Variants in PALM2AKAP2 observed in about 807,000 individuals in gnomAD.
PALM2AKAP2 encodes PALM2-AKAP2 fusion protein.
PALM2AKAP2 carries 37 observed loss-of-function variants against 71.5 expected under a neutral mutation model. The ratio of observed to expected loss-of-function variants is 0.52; its 90% confidence interval spans 0.40 to 0.68. The LOEUF (loss-of-function observed/expected upper bound fraction) is 0.68, where lower values mean the gene tolerates loss of function less well. Among genes scored for constraint, PALM2AKAP2 ranks in the 30% least tolerant of loss-of-function variants. The pLI is 0.00. For synonymous variants in PALM2AKAP2, 468 were observed against 478.8 expected, an observed-to-expected ratio of 0.98 and a Z score of 0.29; for missense variants, 1,224 against 1,191.8, an observed-to-expected ratio of 1.03 and a Z score of -0.40.
chr9:110,008,080 G>T (rs79336786), intron 6 of PALM2AKAP2, among the ~76,000 whole-genome samples: 1 of 152,154 alleles, frequency 6.6e-6, no homozygotes, highest in African/African-American at 2.4e-5. Context: ...TACACAGAAA[G>T]GTGGTGGGAA....
At chr9:109,974,418 C>T (rs1349123078) in intron 6 of PALM2AKAP2, among the ~76,000 whole-genome samples, 2 of 151,980 alleles carry the variant, frequency 1.3e-5, no homozygotes, top group Non-Finnish European at 2.9e-5. Flanking sequence ...GGAGTGTTGC[C>T]TCTGCCTTAC....
rs117518758 is a variant in PALM2AKAP2, at chr9:109,643,914, C to A, written c.5+3048C>A. Among the ~76,000 whole-genome samples, 103 of 152,214 alleles carry A rather than the reference C, an allele frequency of 6.8e-4. 1 individual carries two copies. In the East Asian group the frequency reaches 0.018, roughly 27 times the overall value. ...GGAGTCAGCTCAGCTTCCGGTGAGG[C>A]CTCAGGAAGCTTTCAGTCATGGAGA... is the stretch of plus-strand genomic sequence containing the variant. On this transcript the variant is annotated intron_variant, in intron 1 of 6. Transcript: ENST00000374531.
chr9:109,744,460 G>A (rs1828769168), intron 1 of PALM2AKAP2, among the ~76,000 whole-genome samples: 1 of 152,102 alleles, frequency 6.6e-6, no homozygotes, highest in South Asian at 2.1e-4. Flanking sequence ...CATGGCGTGG[G>A]CAATTTTCGG....
intron 2 of PALM2AKAP2, among the ~76,000 whole-genome samples, chr9:109,877,913 A>T (rs1251029418): frequency 6.6e-6 from 1 of 152,224 alleles, no homozygotes; most frequent in Non-Finnish European, 1.5e-5. Context: ...TCTACTTCAG[A>T]ATTGCTACCA....
intron 1 of PALM2AKAP2, among the ~76,000 whole-genome samples, chr9:110,054,339 C>T (rs540903105): frequency 7.9e-5 from 12 of 151,920 alleles, no homozygotes; most frequent in East Asian, 7.8e-4. Flanking sequence ...GCAGAGGTTG[C>T]GGTGGGCCGA....
intron 6 of PALM2AKAP2, among the ~76,000 whole-genome samples, chr9:109,960,040 C>T (rs897668130): frequency 2.6e-5 from 4 of 152,194 alleles, no homozygotes; most frequent in African/African-American, 9.7e-5. Context: ...AACTTCTTCT[C>T]CATCACCCCC....
intron 1 of PALM2AKAP2, among the ~76,000 whole-genome samples, chr9:109,694,694 A>C (rs1827943940): frequency 6.6e-6 from 1 of 152,116 alleles, no homozygotes; most frequent in South Asian, 2.1e-4. Flanking sequence ...GTATCAGGAA[A>C]AAGAAATCTG....
At chr9:109,978,716 T>C (rs1196343090) in intron 6 of PALM2AKAP2, among the ~76,000 whole-genome samples, 1 of 152,226 alleles carries the variant, frequency 6.6e-6, no homozygotes, top group Non-Finnish European at 1.5e-5. Context: ...GAGACAGTCT[T>C]CTATCTCTTT....
intron 1 of PALM2AKAP2, among the ~76,000 whole-genome samples, chr9:110,101,263 T>G (rs1224089169): frequency 6.6e-6 from 1 of 152,192 alleles, no homozygotes; most frequent in Middle Eastern, 3.4e-3. Flanking sequence ...GTGGGGCTGC[T>G]CCTGGGAGGT....
chr9:110,025,398 GC>G, intron 7 of PALM2AKAP2: 1 of 760,946 alleles, frequency 1.3e-6, no homozygotes, highest in Non-Finnish European at 2.2e-6. Flanking sequence ...CGCCCGAAAG[GC>G]TTTTTTTTTT....
At chr9:109,676,983 A>G (rs1827656592) in intron 1 of PALM2AKAP2, among the ~76,000 whole-genome samples, 2 of 152,172 alleles carry the variant, frequency 1.3e-5, no homozygotes, top group African/African-American at 4.8e-5. Context: ...TGGAGGTAGG[A>G]GAGATTCCCA....
chr9:109,844,185 G>GA (rs1247265755), intron 1 of PALM2AKAP2, among the ~76,000 whole-genome samples: 1 of 152,202 alleles, frequency 6.6e-6, no homozygotes. Context: ...CAGCAACCAT[G>GA]TAGAGTAAGT....
chr9:109,912,108 T>C (rs1378411498), intron 3 of PALM2AKAP2, among the ~76,000 whole-genome samples: 2 of 152,110 alleles, frequency 1.3e-5, no homozygotes, highest in Non-Finnish European at 2.9e-5. Flanking sequence ...TTTGAGGTCT[T>C]GGCTGAAGAC....
chr9:109,683,974 C>G (rs1827774753), intron 1 of PALM2AKAP2, among the ~76,000 whole-genome samples: 1 of 151,944 alleles, frequency 6.6e-6, no homozygotes, highest in African/African-American at 2.4e-5. Flanking sequence ...CATAATAAGA[C>G]AGTGTATATT....
intron 1 of PALM2AKAP2, among the ~76,000 whole-genome samples, chr9:110,129,994 C>T (rs559934022): frequency 4.2e-4 from 64 of 152,256 alleles, no homozygotes; most frequent in Non-Finnish European, 8.7e-4. Flanking sequence ...TTAGAGCTGC[C>T]ATAGATTCTG....
At chr9:110,001,482 G>C (rs1832680366) in intron 6 of PALM2AKAP2, among the ~76,000 whole-genome samples, 1 of 152,198 alleles carries the variant, frequency 6.6e-6, no homozygotes, top group African/African-American at 2.4e-5. Context: ...GCTTAGGATT[G>C]ACTTGGCAAT....
intron 2 of PALM2AKAP2, among the ~76,000 whole-genome samples, chr9:110,153,013 T>G (rs1836361930): frequency 6.6e-6 from 1 of 152,134 alleles, no homozygotes; most frequent in Non-Finnish European, 1.5e-5. Context: ...GGCTCAGTTA[T>G]CCAAAGCGAC....
At chr9:109,645,926 T>G (rs1477294020) in intron 1 of PALM2AKAP2, among the ~76,000 whole-genome samples, 1 of 151,936 alleles carries the variant, frequency 6.6e-6, no homozygotes, top group Non-Finnish European at 1.5e-5. Flanking sequence ...TTACAAAAGG[T>G]CTATCTTGGA....
intron 1 of PALM2AKAP2, among the ~76,000 whole-genome samples, chr9:109,844,995 G>T (rs1425072034): frequency 6.6e-6 from 1 of 151,588 alleles, no homozygotes; most frequent in Non-Finnish European, 1.5e-5. Context: ...ACACGCTCTG[G>T]TAGGGGGGTT....
Sources: allele counts gnomAD v4.1 joint callset (sites outside exome capture counted in the v4.1 genomes callset), GRCh38; gene constraint gnomAD v4.1.1; transcripts MANE v1.5; gene names NCBI Gene and HGNC (gene_info 2026-07-23, HGNC 2026-07-21).